Variants in SMCHD1 observed in about 807,000 individuals in gnomAD.
SMCHD1 encodes structural maintenance of chromosomes flexible hinge domain-containing protein 1.
SMCHD1 carries 78 observed loss-of-function variants against 254.7 expected under a neutral mutation model. That is an observed-to-expected ratio of 0.31 (90% CI 0.26 to 0.37). SMCHD1 has a LOEUF of 0.37. Among genes scored for constraint, SMCHD1 ranks in the 10% least tolerant of loss-of-function variants. The pLI, the probability that SMCHD1 is intolerant of heterozygous loss-of-function variation, is 1.00. For synonymous variants in SMCHD1, 766 were observed against 794.9 expected, an observed-to-expected ratio of 0.96 and a Z score of 0.61; for missense variants, 1,840 against 2,408.1, an observed-to-expected ratio of 0.76 and a Z score of 4.94.
intron 44 of SMCHD1, among the ~76,000 whole-genome samples, chr18:2,781,701 TA>T (rs1423162377): frequency 1.3e-5 from 2 of 152,070 alleles, no homozygotes; most frequent in Non-Finnish European, 2.9e-5. Flanking sequence ...ATAGAGCTTC[TA>T]AAAATCAAAA....
At chr18:2,688,881 C>T in intron 7 of SMCHD1, 134 bp downstream of exon 7, 1 of 494,626 alleles carries the variant, frequency 2.0e-6, no homozygotes, top group East Asian at 3.6e-5. Flanking sequence ...AATGGGCTTT[C>T]TCAAGCCAAA....
chr18:2,660,472 GT>G (rs547130890), intron 1 of SMCHD1, among the ~76,000 whole-genome samples: 21,798 of 125,994 alleles, frequency 0.17, 1,516 homozygotes, highest in South Asian at 0.23. Context: ...AAAATCCATG[GT>G]TTTTTTTTTT....
chr18:2,693,907 G>A (rs1304248056), intron 7 of SMCHD1, among the ~76,000 whole-genome samples: 2 of 152,100 alleles, frequency 1.3e-5, no homozygotes, highest in South Asian at 2.1e-4. Context: ...CTGGGATTAC[G>A]GGAGTGAGCT....
intron 44 of SMCHD1, among the ~76,000 whole-genome samples, chr18:2,782,973 A>G (rs2076181408): frequency 6.6e-6 from 1 of 152,138 alleles, no homozygotes; most frequent in East Asian, 1.9e-4. Flanking sequence ...CAAAGAATTC[A>G]CCACAGGATT....
chr18:2,678,035 G>A (rs868705650), intron 5 of SMCHD1, among the ~76,000 whole-genome samples: 1 of 152,108 alleles, frequency 6.6e-6, no homozygotes, highest in Admixed American at 6.5e-5. Flanking sequence ...TACAAAAACC[G>A]CTCCTACTTA....
intron 8 of SMCHD1, 25 bp from the exon 9 acceptor site, chr18:2,697,007 A>T: frequency 1.9e-6 from 2 of 1,039,762 alleles, no homozygotes; most frequent in South Asian, 3.3e-5. Flanking sequence ...AATTAAAAGT[A>T]TAAAATTATT....
chr18:2,742,706 C>T (rs1236637912), intron 28 of SMCHD1, among the ~76,000 whole-genome samples: 1 of 152,152 alleles, frequency 6.6e-6, no homozygotes, highest in Admixed American at 6.5e-5. Context: ...GGATCTCACT[C>T]TTTTGCCCAG....
rs780663244 is a variant in SMCHD1 at position 2,705,825 on chromosome 18, A to C, written c.1956+18A>C. On this transcript the variant is annotated intron_variant, in intron 14 of 47. Transcript: ENST00000320876. ...TTGCAATGGTAAGACAGCAAGTGAT[A>C]AAACATACTGAAAGTTTCTTGATAA... 2.1e-6 allele frequency: 3 copies of C among 1,407,552 alleles called. No homozygotes were observed. In the African/African-American group the frequency reaches 4.2e-5, roughly 20 times the overall value. 87.2% of individuals were successfully genotyped at this position (1,407,552 alleles called of 1,614,324 possible).
intron 1 of SMCHD1, among the ~76,000 whole-genome samples, chr18:2,660,898 A>G (rs766676256): frequency 6.6e-6 from 1 of 152,206 alleles, no homozygotes; most frequent in Non-Finnish European, 1.5e-5. Context: ...TTGCAGCACT[A>G]TTTACAATAG....
At chr18:2,658,853 T>TATATACATATATATAC (rs2073155325) in intron 1 of SMCHD1, among the ~76,000 whole-genome samples, 1 of 150,746 alleles carries the variant, frequency 6.6e-6, no homozygotes, top group South Asian at 2.1e-4. Context: ...TGTATATGTA[T>TATATACATATATATAC]ATATACATAT....
chr18:2,752,914 TCC>T (rs1463127101), intron 34 of SMCHD1: 1 of 183,734 alleles, frequency 5.4e-6, no homozygotes, highest in East Asian at 1.8e-4. Context: ...ATTCTGGACC[TCC>T]ATTTTCAAAT....
chr18:2,771,359 T>C (rs1311339199), intron 39 of SMCHD1, among the ~76,000 whole-genome samples, 174 bp from the exon 40 acceptor site: 1 of 152,198 alleles, frequency 6.6e-6, no homozygotes, highest in Non-Finnish European at 1.5e-5. Context: ...TATATCAGAA[T>C]TGAGCCTTAA....
intron 17 of SMCHD1, among the ~76,000 whole-genome samples, chr18:2,711,299 A>C: frequency 6.8e-6 from 1 of 146,454 alleles, no homozygotes; most frequent in African/African-American, 2.6e-5. Context: ...AGGGTCTCCT[A>C]TGCTGCCCAG....
In SMCHD1 at chr18:2,754,898, G is replaced by A. The variant is rs1371446678; in HGVS notation, c.4346+2346G>A. Among the ~76,000 whole-genome samples the A allele has an allele frequency of 2.0e-5, 3 of 151,974 alleles. No homozygotes were observed. The East Asian group carries it at 5.8e-4, about 29-fold the overall frequency. On this transcript the variant is annotated intron_variant, in intron 34 of 47. Coordinates refer to ENST00000320876, the MANE Select transcript of SMCHD1 (RefSeq NM_015295.3). ...CACCTATAATCCCAGCACTTTGGGA[G>A]GCAGAGGCAGGCAGATCACATGAGG...
At chr18:2,793,289 T>A (rs2076198535) in intron 45 of SMCHD1, among the ~76,000 whole-genome samples, 1 of 152,204 alleles carries the variant, frequency 6.6e-6, no homozygotes, top group African/African-American at 2.4e-5. Context: ...CATAGTCATT[T>A]TCCTGGACAT....
intron 3 of SMCHD1, among the ~76,000 whole-genome samples, chr18:2,671,595 C>CTTTTTTTTTTTT (rs760647745): frequency 8.4e-6 from 1 of 119,604 alleles, no homozygotes; most frequent in Non-Finnish European, 1.7e-5. Flanking sequence ...CTTTTCTTTT[C>CTTTTTTTTTTTT]TTTTTTTTTT....
rs527972201 is a variant in SMCHD1 at position 2,784,764 on chromosome 18, A to G, written c.5719+143A>G. 1.5e-5 allele frequency: 14 copies of G among 921,628 alleles called. No individual in the cohort carries two copies. In the African/African-American group the frequency reaches 2.0e-4, roughly 13 times the overall value. The allele number at this position is 921,628 out of a possible 1,614,324, so 57.1% of individuals were successfully genotyped here. A position where few individuals can be genotyped will look rare whatever the true frequency, so the allele number is the denominator to read the frequency against. ...TGTAAGTAAGATGTTTTTGTCTACT[A>G]CTTTCAGCTTTTTTATATCAGGTAG... On this transcript the variant is annotated intron_variant, in intron 45 of 47. Transcript: ENST00000320876.
intron 1 of SMCHD1, among the ~76,000 whole-genome samples, chr18:2,660,472 G>GTGT (rs2073215369): frequency 4.0e-5 from 5 of 126,164 alleles, no homozygotes; most frequent in African/African-American, 1.6e-4. Flanking sequence ...AAAATCCATG[G>GTGT]TTTTTTTTTT....
intron 24 of SMCHD1, 53 bp downstream of exon 24, chr18:2,729,462 T>G: frequency 1.6e-6 from 2 of 1,264,518 alleles, no homozygotes; most frequent in Non-Finnish European, 2.1e-6. Flanking sequence ...ATACAAATAG[T>G]CTTCAACTGC....
Sources: allele counts gnomAD v4.1 joint callset (sites outside exome capture counted in the v4.1 genomes callset), GRCh38; gene constraint gnomAD v4.1.1; transcripts MANE v1.5; gene names NCBI Gene and HGNC (gene_info 2026-07-23, HGNC 2026-07-21).